Variants in ITFG2 observed in about 807,000 individuals in gnomAD.
ITFG2 encodes the protein integrin alpha FG-GAP repeat containing 2, also known as KICSTOR complex protein ITFG2.
Under a neutral mutation model 54.4 loss-of-function variants are expected in ITFG2, and 36 were observed. The ratio of observed to expected loss-of-function variants is 0.66; its 90% CI spans 0.51 to 0.87. The LOEUF (loss-of-function observed/expected upper bound fraction) is 0.87. Among genes scored for constraint, ITFG2 ranks in the 40% least tolerant of loss-of-function variants. The probability of loss-of-function intolerance (pLI) is 0.00; values close to 1 mark genes in which losing one functional copy is unlikely to be tolerated. For missense variants in ITFG2, 524 were observed against 576.7 expected (o/e 0.91, Z 0.94); for synonymous variants, 211 against 225.4 (o/e 0.94, Z 0.57).
In ITFG2 at chr12:2,817,229, G is replaced by T. The variant is rs908716475; in HGVS notation, c.103G>T (p.Glu35Ter). The stretch of plus-strand genomic sequence containing the variant: ...CTTCTCTCTCCATTTGAAGTTAAAT[G>T]AACTGGTGGTGGGAGACACCAGCGG... Reference protein sequence around the residue: ...LGDVDNDTLNELVVGDTSGKV... With the variant: ...LGDVDNDTLN Residue 35 changes from glutamate (E) to a stop codon, truncating the protein, a stop_gained, in exon 2 of 12, where the codon GAA becomes TAA. Transcript: ENST00000228799. LOFTEE classifies it high-confidence loss of function. 6.2e-7 allele frequency: 1 copy of T among 1,611,592 alleles called. No homozygotes were observed. The highest frequency in any genetic ancestry group is 8.5e-7 in the Non-Finnish European group (1 of 1,178,018).
intron 1 of ITFG2, among the ~76,000 whole-genome samples, chr12:2,813,750 C>T (rs946522541): frequency 5.3e-5 from 8 of 152,078 alleles, no homozygotes; most frequent in Non-Finnish European, 1.0e-4. Flanking sequence ...CTTAACTGTC[C>T]TGTACTTATT....
chr12:2,839,195 G>C (rs1229947015), intron 1 of ITFG2, among the ~76,000 whole-genome samples: 1 of 152,184 alleles, frequency 6.6e-6, no homozygotes, highest in Non-Finnish European at 1.5e-5. Flanking sequence ...AGATGCTGAA[G>C]TGGGGGAATC....
At chr12:2,848,628 C>T (rs1474355073) in intron 2 of ITFG2, among the ~76,000 whole-genome samples, 2 of 152,122 alleles carry the variant, frequency 1.3e-5, no homozygotes, top group Non-Finnish European at 1.5e-5. Flanking sequence ...CCAGCACCAG[C>T]CCTGACCTGA....
intron 4 of ITFG2, chr12:2,819,737 C>A (rs1428798456): frequency 5.6e-6 from 1 of 179,088 alleles, no homozygotes; most frequent in Non-Finnish European, 1.2e-5. Flanking sequence ...GAAATCCTCA[C>A]TGAGAAGGTA....
intron 9 of ITFG2, among the ~76,000 whole-genome samples, chr12:2,822,312 G>T (rs964607614): frequency 2.0e-5 from 3 of 152,160 alleles, no homozygotes; most frequent in African/African-American, 7.2e-5. Context: ...GCTGTTAGAA[G>T]TCTGTCATTT....
chr12:2,851,462 C>T (rs1223428348), intron 2 of ITFG2, among the ~76,000 whole-genome samples: 1 of 152,128 alleles, frequency 6.6e-6, no homozygotes, highest in Admixed American at 6.5e-5. Context: ...CCTGCCTCAG[C>T]CTCCCGAGTA....
intron 2 of ITFG2, chr12:2,855,441 G>A: frequency 1.4e-6 from 2 of 1,466,374 alleles, no homozygotes; most frequent in South Asian, 1.4e-5. Flanking sequence ...CGCTGGCCTG[G>A]ACCATCTAGG....
Position 2,817,426 on chromosome 12 carries a change from A to G in ITFG2, c.192+108A>G, listed in dbSNP as rs528663345. The G allele has an allele frequency of 9.7e-6, 7 of 719,838 alleles. No homozygotes were observed. The African/African-American group carries it at 1.2e-4, about 13-fold the overall frequency. 44.6% of individuals were successfully genotyped at this position (719,838 alleles called of 1,614,324 possible). On this transcript the variant is annotated intron_variant, in intron 2 of 11. Transcript: ENST00000228799. Reference sequence around the variant, plus strand: ...GCTCACCCATGTGTCCTGACTCCCTAGCTACTGGGCCCAGCCACTGACTTG... The same window carrying G: ...GCTCACCCATGTGTCCTGACTCCCTGGCTACTGGGCCCAGCCACTGACTTG...
At chr12:2,827,278 C>T (rs1427270593), downstream of ITFG2, 35 of 1,613,868 alleles carry the variant, frequency 2.2e-5, no homozygotes, top group South Asian at 9.9e-5. This position sits in a 1 kb window ranked among gnomAD's most constrained non-coding sequence, Gnocchi z 4.0. Context: ...CGCAGCACTC[C>T]GTGCTCCAGG....
rs996407018 is a variant in ITFG2, at chr12:2,845,406, C to G, written n.300+4411C>G. ...GTATGGTCCCCCAGGGGTTCCCAGT[C>G]CCCACAGCTTCCCGACTCCCTGGCC... is the stretch of plus-strand genomic sequence containing the variant. On this transcript the variant is annotated intron_variant and non_coding_transcript_variant, in intron 2 of 3. Coordinates refer to the ITFG2 transcript ENST00000537710. The surrounding 1 kb of genome is among the most constrained non-coding windows in gnomAD (Gnocchi z 4.2). Among the ~76,000 whole-genome samples the G allele has an allele frequency of 2.0e-5, 3 of 152,118 alleles. No individual in the cohort carries two copies. The highest frequency in any genetic ancestry group is 7.2e-5 in the African/African-American group (3 of 41,434).
downstream of ITFG2, among the ~76,000 whole-genome samples, chr12:2,831,622 G>A (rs1413148867): frequency 6.6e-6 from 1 of 151,630 alleles, no homozygotes; most frequent in Non-Finnish European, 1.5e-5. Context: ...TTAAGAACTA[G>A]GATGCTGGGA....
intron 2 of ITFG2, chr12:2,849,655 C>T (rs1176176248): frequency 7.9e-6 from 8 of 1,010,534 alleles, no homozygotes; most frequent in Non-Finnish European, 1.1e-5. Context: ...CAGGGAATCC[C>T]TTCTGTCTCT....
intron 1 of ITFG2, 53 bp from the exon 2 acceptor site, chr12:2,817,170 G>A: frequency 1.7e-6 from 2 of 1,193,078 alleles, no homozygotes; most frequent in Admixed American, 1.8e-5. Flanking sequence ...AGAAGAGCTT[G>A]AAGAGGTTCA....
At chr12:2,858,266 A>G (rs2098095447) in exon 3 of ITFG2, 1 of 184,020 alleles carries the variant, frequency 5.4e-6, no homozygotes, top group Non-Finnish European at 1.1e-5. Flanking sequence ...GCTTACATTT[A>G]TAATTAGAGG....
In ITFG2 at chr12:2,818,274, A is replaced by G. The variant is rs747109095; in HGVS notation, c.403A>G (p.Ile135Val). 19 of 1,612,368 alleles carry G rather than the reference A, an allele frequency of 1.2e-5. No individual in the cohort carries two copies. The South Asian group carries it at 1.6e-4, about 14-fold the overall frequency. ...ANTKVMLISD[I>V]DGDGCRELVV... ...CACCAAGGTCATGCTGATCAGCGAC[A>G]TCGGTGGGCATGCCTACCTTTGCAG... Residue 135 changes from isoleucine (I) to valine (V), a missense_variant, in exon 4 of 12, where the codon ATC (isoleucine) becomes GTC (valine). By Grantham distance (29) the Ile-to-Val change is conservative. Transcript: ENST00000228799.
In ITFG2 at chr12:2,824,373, G is replaced by A. The variant is rs542529103; in HGVS notation, c.*180G>A. ...GAACTATAGACCTCGCAGTCTTTTC[G>A]GTGAAAGAAGAGACAAGTTGACCCT... On this transcript the variant is annotated 3_prime_UTR_variant, in exon 12 of 12. Transcript: ENST00000228799. 3.7e-5 allele frequency: 26 copies of A among 712,110 alleles called. No homozygotes were observed. The East Asian group carries it at 4.4e-4, about 12-fold the overall frequency. 44.1% of individuals were successfully genotyped at this position (712,110 alleles called of 1,614,324 possible). A position where few individuals can be genotyped will look rare whatever the true frequency, so the allele number is the denominator to read the frequency against.
chr12:2,834,564 G>C, upstream of ITFG2: 1 of 1,510,456 alleles, frequency 6.6e-7, no homozygotes. Flanking sequence ...GCACTTTCTG[G>C]TCCTGCCTCC....
downstream of ITFG2, chr12:2,827,293 TGCA>T: frequency 6.2e-7 from 1 of 1,613,696 alleles, no homozygotes; most frequent in Non-Finnish European, 8.5e-7. The surrounding 1 kb of genome is among the most constrained non-coding windows in gnomAD (Gnocchi z 4.0). Flanking sequence ...TCCAGGTCGA[TGCA>T]GCACTGCGGG....
downstream of ITFG2, chr12:2,827,347 G>T: frequency 6.3e-7 from 1 of 1,576,466 alleles, no homozygotes. This position sits in a 1 kb window ranked among gnomAD's most constrained non-coding sequence, Gnocchi z 4.0. Flanking sequence ...CCCGCCACCT[G>T]CCTCCCGGCC....
Sources: allele counts gnomAD v4.1 joint callset (sites outside exome capture counted in the v4.1 genomes callset), GRCh38; gene constraint gnomAD v4.1.1; non-coding constraint Gnocchi (gnomAD v3.1); transcripts MANE v1.5; gene names NCBI Gene and HGNC (gene_info 2026-07-23, HGNC 2026-07-21).